Variants in RTL4 observed in about 807,000 individuals in gnomAD.
RTL4 encodes the protein retrotransposon Gag-like protein 4.
A neutral mutation model predicts 5.3 loss-of-function variants in RTL4; 4 were observed. That is an observed-to-expected ratio of 0.75 (90% confidence interval 0.37 to 1.72). The LOEUF (loss-of-function observed/expected upper bound fraction) is 1.72, where lower values mean the gene tolerates loss of function less well. Ranked by LOEUF, RTL4 falls within the 40% of genes most tolerant of loss-of-function variation. The pLI is 0.04. For synonymous variants in RTL4, 98 were observed against 87.3 expected (o/e 1.12, Z -0.68); for missense variants, 260 against 227.1 (o/e 1.14, Z -0.93).
the RTL4 span, among the ~76,000 whole-genome samples, chrX:112,396,015 G>T: frequency 1.8e-5 from 2 of 110,379 alleles, no homozygotes; most frequent in Admixed American, 9.7e-5. Flanking sequence ...TAAACTCCAA[G>T]ATCCTATCTA....
the RTL4 span, among the ~76,000 whole-genome samples, chrX:112,434,586 T>C: frequency 9.0e-6 from 1 of 111,677 alleles, no homozygotes; most frequent in African/African-American, 3.3e-5. Context: ...GATATCCCCC[T>C]TATCATTTTT....
chrX:112,236,494 TATATAG>T, the RTL4 span, among the ~76,000 whole-genome samples: 6 of 66,818 alleles, frequency 9.0e-5, no homozygotes, highest in South Asian at 2.3e-3. Context: ...TCTATATCTA[TATATAG>T]ATATAGATAT....
the RTL4 span, among the ~76,000 whole-genome samples, chrX:112,152,756 A>G: frequency 8.9e-6 from 1 of 112,084 alleles, no homozygotes; most frequent in Non-Finnish European, 1.9e-5. Context: ...AGGCTTAATA[A>G]ACGTAAGGCT....
At chrX:112,159,841 C>T in the RTL4 span, among the ~76,000 whole-genome samples, 1 of 110,815 alleles carries the variant, frequency 9.0e-6, no homozygotes, top group African/African-American at 3.3e-5. Context: ...GCAGCCCCTA[C>T]ACCTCTGTTT....
At chrX:112,288,068 T>C in the RTL4 span, among the ~76,000 whole-genome samples, 6 of 111,999 alleles carry the variant, frequency 5.4e-5, no homozygotes, top group Non-Finnish European at 9.4e-5. Flanking sequence ...ACAACAACTG[T>C]TGCTCTTGGT....
the RTL4 span, among the ~76,000 whole-genome samples, chrX:112,369,064 A>T: frequency 8.9e-6 from 1 of 112,574 alleles, no homozygotes; most frequent in Non-Finnish European, 1.9e-5. Flanking sequence ...CTTTTTGGCC[A>T]GCATGCAATG....
At chrX:112,124,446 TA>T in the RTL4 span, among the ~76,000 whole-genome samples, 53 of 109,976 alleles carry the variant, frequency 4.8e-4, no homozygotes, top group Non-Finnish European at 4.6e-4. Flanking sequence ...ATAGACTGGA[TA>T]AAAAAAAATG....
chrX:112,293,194 G>A, the RTL4 span, among the ~76,000 whole-genome samples: 1 of 112,383 alleles, frequency 8.9e-6, no homozygotes, highest in African/African-American at 3.2e-5. Flanking sequence ...GATGTGACAA[G>A]CTGTCCCCTT....
chrX:112,112,448 C>A, the RTL4 span, among the ~76,000 whole-genome samples: 1 of 111,708 alleles, frequency 9.0e-6, no homozygotes, highest in Non-Finnish European at 1.9e-5. Context: ...TTCCAAGGAA[C>A]CCCCGCAACT....
At chrX:112,359,002 G>T in the RTL4 span, among the ~76,000 whole-genome samples, 2 of 111,683 alleles carry the variant, frequency 1.8e-5, no homozygotes, top group African/African-American at 6.5e-5. Flanking sequence ...TCGTGGCTGG[G>T]AGAAGGGAGT....
chrX:112,352,542 C>A, the RTL4 span, among the ~76,000 whole-genome samples: 1 of 111,143 alleles, frequency 9.0e-6, no homozygotes, highest in Admixed American at 9.6e-5. Context: ...CTACAACCAT[C>A]TGATCTTTGA....
At chrX:112,120,600 A>T in the RTL4 span, among the ~76,000 whole-genome samples, 1 of 85,466 alleles carries the variant, frequency 1.2e-5, no homozygotes, top group Non-Finnish European at 2.1e-5. Context: ...TTTTTTTAGC[A>T]CTTGGAAGAT....
the RTL4 span, among the ~76,000 whole-genome samples, chrX:112,153,557 C>T: frequency 8.2e-4 from 92 of 111,922 alleles, 1 homozygote; most frequent in African/African-American, 2.8e-3. Flanking sequence ...TTTGACTATG[C>T]ATCCACGATC....
chrX:112,394,588 GCT>G, the RTL4 span, among the ~76,000 whole-genome samples: 1 of 111,275 alleles, frequency 9.0e-6, no homozygotes, highest in Non-Finnish European at 1.9e-5. Context: ...ATTAGTTGTA[GCT>G]CTCTTACTTT....
the RTL4 span, among the ~76,000 whole-genome samples, chrX:112,108,387 G>C: frequency 9.0e-6 from 1 of 111,382 alleles, no homozygotes; most frequent in Non-Finnish European, 1.9e-5. Flanking sequence ...CTCTTTGATT[G>C]GGATCTGCAA....
chrX:112,200,624 C>CTT, the RTL4 span, among the ~76,000 whole-genome samples: 1 of 112,101 alleles, frequency 8.9e-6, no homozygotes, highest in Non-Finnish European at 1.9e-5. Context: ...GGTTCAGGTA[C>CTT]TGGGGTGAAT....
the RTL4 span, among the ~76,000 whole-genome samples, chrX:112,347,851 AT>A: frequency 3.6e-5 from 4 of 110,639 alleles, no homozygotes; most frequent in African/African-American, 9.8e-5. Flanking sequence ...TCAGACTATA[AT>A]TTTTTTTATG....
the RTL4 span, among the ~76,000 whole-genome samples, chrX:112,328,520 G>T: frequency 1.8e-5 from 2 of 111,405 alleles, no homozygotes; most frequent in Non-Finnish European, 3.8e-5. Context: ...AGTCCTGAGT[G>T]ACCTACAAAG....
chrX:112,182,964 C>A, the RTL4 span, among the ~76,000 whole-genome samples: 5,906 of 112,026 alleles, frequency 0.053, 403 homozygotes, highest in African/African-American at 0.18. Context: ...AACAGCGGAT[C>A]TCTGCAGATA....
Sources: gnomAD v4.1 joint callset for allele counts (sites outside exome capture counted in the v4.1 genomes callset) on GRCh38, gnomAD v4.1.1 for gene constraint, MANE v1.5 for transcripts, NCBI Gene and HGNC (gene_info 2026-07-23, HGNC 2026-07-21) for gene names.